Variants in GABRB3 observed in about 807,000 individuals in gnomAD.
GABRB3 encodes gamma-aminobutyric acid type A receptor subunit beta3.
A neutral mutation model predicts 52.1 loss-of-function variants in GABRB3; 14 were observed. The observed-to-expected ratio is 0.27, with a 90% CI of 0.18 to 0.42. The LOEUF is 0.42. Among genes scored for constraint, GABRB3 ranks in the 10% least tolerant of loss-of-function variants. The probability of loss-of-function intolerance (pLI) is 1.00; values close to 1 mark genes in which losing one functional copy is unlikely to be tolerated. For missense variants in GABRB3, 307 were observed against 609.1 expected (o/e 0.50, Z 5.22); for synonymous variants, 260 against 232.3 (o/e 1.12, Z -1.08).
At chr15:26,552,344 G>C (rs753642922) in intron 8 of GABRB3, among the ~76,000 whole-genome samples, 3 of 152,144 alleles carry the variant, frequency 2.0e-5, no homozygotes, top group African/African-American at 7.2e-5. Context: ...TTCTTTCCAC[G>C]GGATGATTAG....
intron 3 of GABRB3, among the ~76,000 whole-genome samples, chr15:26,732,565 A>C (rs919946325): frequency 7.5e-5 from 7 of 93,002 alleles, no homozygotes; most frequent in African/African-American, 1.6e-4. Flanking sequence ...CCTTTCTCCC[A>C]AAAAAATTTT....
At chr15:26,629,247 T>A in intron 3 of GABRB3, 1 of 1,348,960 alleles carries the variant, frequency 7.4e-7, no homozygotes. Flanking sequence ...GCGCGGAAGC[T>A]TGGCCCCGAG....
At chr15:26,672,094 CCCT>C (rs1307387694) in intron 3 of GABRB3, among the ~76,000 whole-genome samples, 1 of 152,072 alleles carries the variant, frequency 6.6e-6, no homozygotes, top group Non-Finnish European at 1.5e-5. Context: ...TCTTTTCCCT[CCCT>C]CCTTTTCTTT....
At chr15:26,673,691 G>GGTCC (rs1385346715) in intron 3 of GABRB3, among the ~76,000 whole-genome samples, 1 of 152,194 alleles carries the variant, frequency 6.6e-6, no homozygotes, top group Non-Finnish European at 1.5e-5. Context: ...ACAAGACAAA[G>GGTCC]GTCCCAGGCA....
intron 3 of GABRB3, among the ~76,000 whole-genome samples, chr15:26,766,967 G>A (rs867922958): frequency 9.2e-5 from 14 of 152,074 alleles, no homozygotes; most frequent in South Asian, 4.1e-4. Flanking sequence ...TCTCTATACC[G>A]TACGTTCTAA....
intron 3 of GABRB3, among the ~76,000 whole-genome samples, chr15:26,647,425 G>A (rs1340507846): frequency 6.6e-6 from 1 of 152,122 alleles, no homozygotes; most frequent in South Asian, 2.1e-4. Flanking sequence ...AATCTTTGCT[G>A]AGCCCAAGAT....
At chr15:26,670,389 G>A (rs1887857744) in intron 3 of GABRB3, among the ~76,000 whole-genome samples, 1 of 152,214 alleles carries the variant, frequency 6.6e-6, no homozygotes, top group Non-Finnish European at 1.5e-5. Context: ...GAGGTGGCAG[G>A]TGCAGGTCTG....
chr15:26,718,203 T>C (rs1302981881), intron 3 of GABRB3, among the ~76,000 whole-genome samples: 1 of 152,116 alleles, frequency 6.6e-6, no homozygotes. Flanking sequence ...TTATTTCTTA[T>C]TTATTTATTT....
chr15:26,624,084 G>A (rs1892588226), intron 3 of GABRB3: 1 of 499,900 alleles, frequency 2.0e-6, no homozygotes, highest in Non-Finnish European at 2.6e-6. Context: ...CCTCCGAGGA[G>A]TGGACAGTGC....
At chr15:26,707,279 G>A (rs767074402) in intron 3 of GABRB3, among the ~76,000 whole-genome samples, 12 of 152,142 alleles carry the variant, frequency 7.9e-5, no homozygotes, top group Non-Finnish European at 1.3e-4. Context: ...AGGTAAGACC[G>A]ATAGATATTA....
intron 4 of GABRB3, among the ~76,000 whole-genome samples, chr15:26,587,457 C>T (rs191587129): frequency 1.6e-3 from 239 of 152,188 alleles, no homozygotes; most frequent in Non-Finnish European, 2.8e-3. Flanking sequence ...GGGAGCAGAG[C>T]GAATAAAGTA....
intron 3 of GABRB3, among the ~76,000 whole-genome samples, chr15:26,749,682 T>G (rs148644178): frequency 3.3e-5 from 5 of 152,020 alleles, no homozygotes; most frequent in African/African-American, 9.7e-5. Context: ...TTGGCTGGAG[T>G]AGGGTAGGCA....
At chr15:26,575,940 T>C (rs1890575752) in intron 6 of GABRB3, among the ~76,000 whole-genome samples, 1 of 152,238 alleles carries the variant, frequency 6.6e-6, no homozygotes, top group Non-Finnish European at 1.5e-5. Flanking sequence ...TCCACATATC[T>C]TGCGAAAATC....
rs1374837606 is a variant in GABRB3 at position 26,583,321 on chromosome 15, C to T, written c.544+11G>A. 8 of 1,603,350 alleles carry T rather than the reference C, an allele frequency of 5.0e-6. No homozygotes were observed. Among genetic ancestry groups the T allele is most frequent in the Admixed American group, 1.7e-5 (1 of 59,986 alleles). ...ATAGGAGGAGAAAGAAACACAGATA[C>T]GGATACACACAGCTTTCAATTTCCA... On this transcript the variant is annotated intron_variant, in intron 5 of 8. Coordinates refer to ENST00000311550, the MANE Select transcript of GABRB3 (RefSeq NM_000814.6).
At chr15:26,728,567 G>A (rs1052764559) in intron 3 of GABRB3, among the ~76,000 whole-genome samples, 4 of 152,180 alleles carry the variant, frequency 2.6e-5, no homozygotes, top group Non-Finnish European at 2.9e-5. Context: ...CCATGGATAT[G>A]GTGAGCAGGC....
At chr15:26,690,398 C>T (rs1181097477) in intron 3 of GABRB3, among the ~76,000 whole-genome samples, 2 of 152,056 alleles carry the variant, frequency 1.3e-5, no homozygotes, top group Non-Finnish European at 2.9e-5. Context: ...TGTACAAAAG[C>T]AGTTACAAAG....
chr15:26,604,587 G>T (rs1595475038), intron 4 of GABRB3, among the ~76,000 whole-genome samples: 1 of 152,054 alleles, frequency 6.6e-6, no homozygotes, highest in East Asian at 1.9e-4. Flanking sequence ...CAACAGAATA[G>T]AATACAGAAC....
chr15:26,543,695 A>G lies in GABRB3; in HGVS notation c.*4098T>C, dbSNP rs953615377. 2 of 152,648 alleles carry G rather than the reference A, an allele frequency of 1.3e-5. No homozygotes were observed. Among genetic ancestry groups the G allele is most frequent in the African/African-American group, 4.8e-5 (2 of 41,458 alleles). The allele number at this position is 152,648 out of a possible 1,614,324, so 9.5% of individuals were successfully genotyped here. The stretch of plus-strand genomic sequence containing the variant: ...CTTAAGCAAAACTGGGTTTAAATTT[A>G]TCTTTACAATAAAATGAAATCAACA... On this transcript the variant is annotated 3_prime_UTR_variant, in exon 9 of 9. Transcript: ENST00000311550.
intron 3 of GABRB3, among the ~76,000 whole-genome samples, chr15:26,770,163 A>G (rs1369710919): frequency 6.6e-6 from 1 of 152,220 alleles, no homozygotes; most frequent in Non-Finnish European, 1.5e-5. Flanking sequence ...TTTCTAAAAC[A>G]TGACGTGACC....
Sources: gnomAD v4.1 joint callset for allele counts (sites outside exome capture counted in the v4.1 genomes callset) on GRCh38, gnomAD v4.1.1 for gene constraint, MANE v1.5 for transcripts, NCBI Gene and HGNC (gene_info 2026-07-23, HGNC 2026-07-21) for gene names.